Variants in DMD observed in about 807,000 individuals in gnomAD.
DMD encodes mutant dystrophin.
A neutral mutation model predicts 330.1 loss-of-function variants in DMD; 63 were observed. The observed-to-expected ratio is 0.19, with a 90% CI of 0.16 to 0.24. The LOEUF (loss-of-function observed/expected upper bound fraction) is 0.24, where lower values mean the gene tolerates loss of function less well. Ranked by LOEUF, DMD falls within the 10% of genes least tolerant of loss-of-function variation. The pLI, the probability that DMD is intolerant of heterozygous loss-of-function variation, is 1.00. For synonymous variants in DMD, 1,223 were observed against 959.8 expected (o/e 1.27, Z -5.07); for missense variants, 3,344 against 2,684.1 (o/e 1.25, Z -5.43).
At chrX:31,639,323 C>T (rs1483466531) in intron 54 of DMD, among the ~76,000 whole-genome samples, 2 of 111,689 alleles carry the variant, frequency 1.8e-5, no homozygotes, top group Admixed American at 9.5e-5. Flanking sequence ...AGTCTGACAG[C>T]ACTTTGGAAT....
chrX:32,572,296 A>G (rs1266492828), intron 15 of DMD, among the ~76,000 whole-genome samples: 1 of 111,995 alleles, frequency 8.9e-6, no homozygotes, highest in Non-Finnish European at 1.9e-5. Context: ...AAATGAGTGG[A>G]AAAATTTACT....
At position 32,777,907 on chromosome X, in the gene DMD, G is replaced by A. The variant is rs187682523; in HGVS notation, c.649+31586C>T. ...TTTGGATGTCCAGCAGTGTGCGCAC[G>A]TCCATGTGTGCATGCACATAATTAT... On this transcript the variant is annotated intron_variant, in intron 7 of 78. Transcript: ENST00000357033. Among the ~76,000 whole-genome samples, 255 of 112,306 alleles carry A rather than the reference G, an allele frequency of 2.3e-3. 1 individual carries two copies. The highest frequency in any genetic ancestry group is 7.8e-3 in the African/African-American group (242 of 30,973).
chrX:32,994,333 T>A (rs1439032617), intron 2 of DMD, among the ~76,000 whole-genome samples: 11 of 93,342 alleles, frequency 1.2e-4, no homozygotes, highest in South Asian at 5.2e-4. Context: ...GCCCCCAATT[T>A]AAAAAAAAAA....
chrX:32,644,225 G>A lies in DMD; in HGVS notation c.1238C>T (p.Ser413Leu). The change falls in exon 11 of 79, where the codon TCA becomes TTA. Residue 413 changes from serine (S) to leucine (L), a missense_variant. Transcript: ENST00000357033. ...TTGTACTTCAGTTTCTTCATCTTCT[G>A]ATAATTTTCCTGTTCCAATCAGCTT... is the stretch of plus-strand genomic sequence containing the variant. ...GSKLIGTGKL[S>L]EDEETEVQEQ... 2 of 1,210,483 alleles carry A rather than the reference G, an allele frequency of 1.7e-6. No homozygotes were observed. The highest frequency in any genetic ancestry group is 2.2e-6 in the Non-Finnish European group (2 of 894,572).
chrX:31,437,354 T>G (rs1297567733), intron 60 of DMD, among the ~76,000 whole-genome samples: 2 of 111,798 alleles, frequency 1.8e-5, no homozygotes, highest in Non-Finnish European at 3.8e-5. Context: ...AGTTTGGGAA[T>G]GAATTTCTAT....
chrX:33,134,158 T>C (rs1377152680), intron 1 of DMD, among the ~76,000 whole-genome samples: 1 of 111,670 alleles, frequency 9.0e-6, no homozygotes. Flanking sequence ...TTGGGAGCTA[T>C]TATTTTACCC....
At chrX:31,541,283 T>C (rs1052204260) in intron 55 of DMD, among the ~76,000 whole-genome samples, 2 of 112,027 alleles carry the variant, frequency 1.8e-5, no homozygotes, top group African/African-American at 3.2e-5. Context: ...CTTAGGAATG[T>C]GAATCTTCTT....
intron 55 of DMD, among the ~76,000 whole-genome samples, chrX:31,599,691 C>T (rs2077260054): frequency 1.8e-5 from 2 of 112,038 alleles, no homozygotes; most frequent in African/African-American, 6.5e-5. Context: ...CAGAATCACT[C>T]AAGAAGCTTA....
intron 2 of DMD, among the ~76,000 whole-genome samples, chrX:32,937,830 T>G (rs999566162): frequency 9.0e-5 from 10 of 110,698 alleles, no homozygotes; most frequent in Non-Finnish European, 1.7e-4. Context: ...CAATATTATA[T>G]AGATTTCTGG....
chrX:33,217,210 C>T, intron 1 of DMD, among the ~76,000 whole-genome samples: 1 of 110,778 alleles, frequency 9.0e-6, no homozygotes, highest in Non-Finnish European at 1.9e-5. Context: ...TAGTTAAGTC[C>T]AATGGGAAAA....
intron 12 of DMD, among the ~76,000 whole-genome samples, chrX:32,602,120 C>T (rs1311368628): frequency 9.0e-6 from 1 of 111,684 alleles, no homozygotes; most frequent in Non-Finnish European, 1.9e-5. Flanking sequence ...AGTGTTAAAT[C>T]CTTAAATAAT....
intron 44 of DMD, among the ~76,000 whole-genome samples, chrX:31,974,746 C>T (rs993470308): frequency 1.6e-4 from 18 of 110,472 alleles, no homozygotes; most frequent in African/African-American, 5.6e-4. Context: ...CCTTCTAAAA[C>T]TAGAAATAGA....
intron 54 of DMD, among the ~76,000 whole-genome samples, chrX:31,644,739 T>G (rs1452089048): frequency 8.9e-6 from 1 of 111,899 alleles, no homozygotes; most frequent in Non-Finnish European, 1.9e-5. Context: ...AACTTTGACT[T>G]TCAATTCTGG....
chrX:32,041,280 G>A (rs776287402), intron 44 of DMD, among the ~76,000 whole-genome samples: 2 of 111,390 alleles, frequency 1.8e-5, no homozygotes, highest in African/African-American at 3.3e-5. Context: ...GACCTGTTTC[G>A]CCCACATTGA....
chrX:32,575,850 T>A (rs1162748597), intron 13 of DMD, among the ~76,000 whole-genome samples: 1 of 111,849 alleles, frequency 8.9e-6, no homozygotes, highest in Non-Finnish European at 1.9e-5. Context: ...AGGGACAAAC[T>A]CAAGCTATAG....
chrX:32,347,513 A>G (rs1350070345), intron 38 of DMD, among the ~76,000 whole-genome samples: 2 of 111,741 alleles, frequency 1.8e-5, no homozygotes, highest in African/African-American at 6.5e-5. Flanking sequence ...AACCCCATAC[A>G]TGGGGAGTAT....
At chrX:31,964,329 T>C (rs1273129788) in intron 45 of DMD, among the ~76,000 whole-genome samples, 1 of 111,011 alleles carries the variant, frequency 9.0e-6, no homozygotes, top group Admixed American at 9.6e-5. Flanking sequence ...GGATGAAAAA[T>C]AATAATAACC....
intron 54 of DMD, among the ~76,000 whole-genome samples, chrX:31,632,452 T>C (rs2079184078): frequency 8.9e-6 from 1 of 111,955 alleles, no homozygotes; most frequent in Non-Finnish European, 1.9e-5. Flanking sequence ...TAAAATGTGA[T>C]AAATTAGGAA....
At chrX:32,038,542 G>A (rs1410590939) in intron 44 of DMD, among the ~76,000 whole-genome samples, 1 of 111,174 alleles carries the variant, frequency 9.0e-6, no homozygotes, top group African/African-American at 3.3e-5. Flanking sequence ...GTCAATTAGA[G>A]GGATAGACAG....
Sources: gnomAD v4.1 joint callset for allele counts (sites outside exome capture counted in the v4.1 genomes callset) on GRCh38, gnomAD v4.1.1 for gene constraint, MANE v1.5 for transcripts, NCBI Gene and HGNC (gene_info 2026-07-23, HGNC 2026-07-21) for gene names.